The following PCDHA6 variants were observed in gnomAD, a reference collection of about 807,000 sequenced individuals.
PCDHA6 encodes the protein protocadherin alpha-6.
In PCDHA6, 55 loss-of-function variants were observed where a neutral mutation model predicts 60.3. The ratio of observed to expected loss-of-function variants is 0.91; its 90% confidence interval spans 0.73 to 1.14. PCDHA6 has a LOEUF of 1.14. PCDHA6 is among the 50% of genes most tolerant of loss of function. The probability of loss-of-function intolerance (pLI) is 0.00; values close to 1 mark genes in which losing one functional copy is unlikely to be tolerated. For missense variants in PCDHA6, 1,327 were observed against 1,256.5 expected (o/e 1.06, Z -0.85); for synonymous variants, 652 against 557.9 (o/e 1.17, Z -2.38).
At chr5:140,850,020 T>C (rs2150463702) in intron 1 of PCDHA6, 2 of 1,596,646 alleles carry the variant, frequency 1.3e-6, no homozygotes, top group African/African-American at 1.3e-5. Flanking sequence ...GAGCTACGTG[T>C]CAGTGCACGC....
chr5:140,853,247 C>G (rs985398812), intron 1 of PCDHA6: 3 of 975,930 alleles, frequency 3.1e-6, no homozygotes, highest in African/African-American at 3.5e-5. Context: ...ATATTAATCT[C>G]TATTCTCTCT....
rs1554148611 is a variant in PCDHA6, at chr5:140,856,378, C to A, written c.2394+25893C>A. 3 of 1,598,456 alleles carry A rather than the reference C, an allele frequency of 1.9e-6. 1 individual carries two copies. Among genetic ancestry groups the A allele is most frequent in the South Asian group, 2.2e-5 (2 of 90,536 alleles). ...GCATCCACCTGGAGGTGATCGTGGA[C>A]AGGCCGCTGCAGGTTTTCCATGTGG... On this transcript the variant is annotated intron_variant, in intron 1 of 3. Coordinates refer to ENST00000529310, the MANE Select transcript of PCDHA6 (RefSeq NM_018909.4).
rs1436927101 is a variant in PCDHA6 at position 140,886,292 on chromosome 5, T to A, written c.2394+55807T>A. Reference sequence around the variant, plus strand: ...AAATTTTTTAAAATTATTTTTATATTTATTTATTTTTTATTACACTTTAAG... The same window carrying A: ...AAATTTTTTAAAATTATTTTTATATATATTTATTTTTTATTACACTTTAAG... On this transcript the variant is annotated intron_variant, in intron 1 of 3. Coordinates refer to ENST00000529310, the MANE Select transcript of PCDHA6 (RefSeq NM_018909.4). 5.3e-5 allele frequency among the ~76,000 whole-genome samples: 8 copies of A among 152,090 alleles called. No homozygotes were observed. In the East Asian group the frequency reaches 1.3e-3, roughly 26 times the overall value.
intron 3 of PCDHA6, among the ~76,000 whole-genome samples, chr5:140,985,740 T>C (rs992695405): frequency 1.9e-5 from 1 of 53,688 alleles, no homozygotes; most frequent in Admixed American, 1.9e-4. Context: ...GATGAATTCC[T>C]TTTTTTTTTT....
At chr5:140,844,128 T>G (rs1265554097) in intron 1 of PCDHA6, among the ~76,000 whole-genome samples, 4 of 149,752 alleles carry the variant, frequency 2.7e-5, no homozygotes, top group South Asian at 2.1e-4. Flanking sequence ...ATGCATGTTT[T>G]AAATATGTTG....
intron 1 of PCDHA6, among the ~76,000 whole-genome samples, chr5:140,922,818 C>G (rs530870255): frequency 6.6e-6 from 1 of 152,326 alleles, no homozygotes; most frequent in South Asian, 2.1e-4. Context: ...GGAGATACAG[C>G]ATACTGCTAA....
At chr5:140,903,429 G>T (rs782504374) in intron 1 of PCDHA6, among the ~76,000 whole-genome samples, 2 of 152,180 alleles carry the variant, frequency 1.3e-5, no homozygotes, top group South Asian at 4.1e-4. Context: ...AGCACAATAT[G>T]TATCAGTGGA....
Position 140,863,280 on chromosome 5 carries a change from C to T in PCDHA6, c.2394+32795C>T, listed in dbSNP as rs782682336. The T allele has an allele frequency of 3.4e-6, 5 of 1,461,684 alleles. No individual in the cohort carries two copies. The African/African-American group carries it at 5.7e-5, about 17-fold the overall frequency. 90.5% of individuals were successfully genotyped at this position (1,461,684 alleles called of 1,614,324 possible). A position where few individuals can be genotyped will look rare whatever the true frequency, so the allele number is the denominator to read the frequency against. On this transcript the variant is annotated intron_variant, in intron 1 of 3. Coordinates refer to ENST00000529310, the MANE Select transcript of PCDHA6 (RefSeq NM_018909.4). ...TCCGGGAGGCAGCGCTGGTGGATGT[C>T]AACGTGTACCTGATCATCGCCATCT...
At chr5:140,968,229 TC>T in intron 1 of PCDHA6, 2 of 1,613,970 alleles carry the variant, frequency 1.2e-6, no homozygotes, top group Non-Finnish European at 1.7e-6. Flanking sequence ...GGTGTGTTGC[TC>T]TGTACTGTGC....
chr5:140,923,110 A>G (rs2081174881), intron 1 of PCDHA6, among the ~76,000 whole-genome samples: 1 of 152,184 alleles, frequency 6.6e-6, no homozygotes, highest in South Asian at 2.1e-4. Flanking sequence ...TATGATTTTA[A>G]GTTTTTAGGG....
intron 1 of PCDHA6, among the ~76,000 whole-genome samples, chr5:140,909,217 C>T (rs2074379679): frequency 6.6e-6 from 1 of 152,106 alleles, no homozygotes; most frequent in Non-Finnish European, 1.5e-5. Context: ...GTTGATATAC[C>T]CCTGAGGTAG....
chr5:141,006,946 G>A (rs1333269040), intron 3 of PCDHA6, among the ~76,000 whole-genome samples: 1 of 152,120 alleles, frequency 6.6e-6, no homozygotes, highest in African/African-American at 2.4e-5. Flanking sequence ...TACCAGATAG[G>A]CAGTTATACA....
At chr5:140,933,119 G>A (rs782069505) in intron 1 of PCDHA6, among the ~76,000 whole-genome samples, 1 of 151,936 alleles carries the variant, frequency 6.6e-6, no homozygotes, top group African/African-American at 2.4e-5. Context: ...AAGAAACAAA[G>A]CTAAATAATA....
At chr5:140,947,192 C>G (rs958443362) in intron 1 of PCDHA6, among the ~76,000 whole-genome samples, 27 of 151,038 alleles carry the variant, frequency 1.8e-4, no homozygotes, top group African/African-American at 6.6e-4. Flanking sequence ...GTATACTACA[C>G]AGCCTTAAAA....
intron 1 of PCDHA6, chr5:140,836,269 G>T: frequency 1.2e-6 from 2 of 1,613,790 alleles, no homozygotes; most frequent in Non-Finnish European, 1.7e-6. Flanking sequence ...CTGTACACTG[G>T]TGAGATCAGC....
intron 1 of PCDHA6, chr5:140,848,937 C>G: frequency 1.2e-6 from 2 of 1,607,518 alleles, no homozygotes; most frequent in Non-Finnish European, 1.7e-6. Context: ...ATCCAGGCCG[C>G]TTGACTCTCG....
At chr5:140,903,403 C>T (rs2070268499) in intron 1 of PCDHA6, among the ~76,000 whole-genome samples, 1 of 152,156 alleles carries the variant, frequency 6.6e-6, no homozygotes, top group Non-Finnish European at 1.5e-5. Flanking sequence ...AACAGTAGTG[C>T]AGTCAGGAAA....
At chr5:140,876,706 G>C in intron 1 of PCDHA6, 1 of 1,614,214 alleles carries the variant, frequency 6.2e-7, no homozygotes, top group South Asian at 1.1e-5. Context: ...GCTGGACAGC[G>C]CCCTGGACCG....
At position 140,828,609 on chromosome 5, in the gene PCDHA6, G is replaced by A; in HGVS notation, c.518G>A (p.Ser173Asn). ...GSNSILTYKL[S>N]SSEYFGLDVK... ...AATTCCATCTTAACCTATAAACTCAGTTCTAGCGAATACTTCGGGCTAGAT... is the reference window on the plus strand; with the variant it reads ...AATTCCATCTTAACCTATAAACTCAATTCTAGCGAATACTTCGGGCTAGAT... The change falls in exon 1 of 4, where the codon AGT becomes AAT. Residue 173 changes from serine to asparagine, a missense_variant. Transcript: ENST00000529310. The A allele has an allele frequency of 6.2e-7, 1 of 1,614,194 alleles. No individual in the cohort carries two copies. Among genetic ancestry groups the A allele is most frequent in the South Asian group, 1.1e-5 (1 of 91,088 alleles).
Sources: allele counts gnomAD v4.1 joint callset (sites outside exome capture counted in the v4.1 genomes callset), GRCh38; gene constraint gnomAD v4.1.1; transcripts MANE v1.5; gene names NCBI Gene and HGNC (gene_info 2026-07-23, HGNC 2026-07-21).